The following NRXN3 variants were observed in gnomAD, a reference collection of about 807,000 sequenced individuals.
NRXN3 encodes the protein neurexin III.
A neutral mutation model predicts 137.6 loss-of-function variants in NRXN3; 32 were observed. That is an observed-to-expected ratio of 0.23 (90% CI 0.18 to 0.31). The LOEUF (loss-of-function observed/expected upper bound fraction) is 0.31. Among genes scored for constraint, NRXN3 ranks in the 10% least tolerant of loss-of-function variants. The pLI is 1.00. For synonymous variants in NRXN3, 798 were observed against 784.5 expected (o/e 1.02, Z -0.29); for missense variants, 1,574 against 2,062.5 (o/e 0.76, Z 4.59).
chr14:79,779,182 T>C (rs1000525418), intron 19 of NRXN3, among the ~76,000 whole-genome samples: 2 of 152,204 alleles, frequency 1.3e-5, no homozygotes, highest in Non-Finnish European at 2.9e-5. Context: ...GGCTCAATCT[T>C]GGCTCACCGC....
At chr14:78,938,810 C>T (rs1178689859) in intron 10 of NRXN3, among the ~76,000 whole-genome samples, 1 of 149,940 alleles carries the variant, frequency 6.7e-6, no homozygotes, top group Non-Finnish European at 1.5e-5. Flanking sequence ...ACTCCCCAGC[C>T]ATGTAGACTT....
At chr14:78,571,099 C>T (rs2096885273) in intron 4 of NRXN3, among the ~76,000 whole-genome samples, 1 of 152,230 alleles carries the variant, frequency 6.6e-6, no homozygotes, top group Non-Finnish European at 1.5e-5. Context: ...GTTCTCTGTT[C>T]ATCTTCCACA....
At chr14:79,460,531 A>C (rs771736054) in intron 15 of NRXN3, among the ~76,000 whole-genome samples, 1 of 152,206 alleles carries the variant, frequency 6.6e-6, no homozygotes, top group Non-Finnish European at 1.5e-5. Context: ...CCATGTTATC[A>C]AACAGATTTA....
At chr14:79,306,760 T>C (rs541649152) in intron 15 of NRXN3, among the ~76,000 whole-genome samples, 1 of 152,152 alleles carries the variant, frequency 6.6e-6, no homozygotes, top group South Asian at 2.1e-4. Context: ...TCATCAGGTC[T>C]GCAAGATAGC....
intron 4 of NRXN3, among the ~76,000 whole-genome samples, chr14:78,318,999 A>G (rs1033321926): frequency 2.6e-5 from 4 of 152,166 alleles, no homozygotes; most frequent in African/African-American, 7.2e-5. Context: ...ATTTTTAACA[A>G]ACTCCCAAGG....
Position 78,669,260 on chromosome 14 carries a change from G to A in NRXN3, c.1221+17934G>A, listed in dbSNP as rs112783789. ...ATAAGCTAAAGGAAGTAGAAGTGGC[G>A]GTAATGGTAGTAGTAGTAGTAGTAG... is the stretch of plus-strand genomic sequence containing the variant. On this transcript the variant is annotated intron_variant, in intron 6 of 20. Transcript: ENST00000335750. Among the ~76,000 whole-genome samples the A allele has an allele frequency of 8.8e-3, 1,291 of 146,846 alleles. 11 individuals are homozygous for A. The highest frequency in any genetic ancestry group is 0.011 in the African/African-American group (447 of 39,440).
chr14:79,367,085 G>A (rs1332572344), intron 15 of NRXN3, among the ~76,000 whole-genome samples: 1 of 146,526 alleles, frequency 6.8e-6, no homozygotes, highest in Admixed American at 7.2e-5. Flanking sequence ...CTGGGTTCAT[G>A]CCTTTCTCCT....
At chr14:78,409,157 C>T (rs1212477961) in intron 4 of NRXN3, among the ~76,000 whole-genome samples, 1 of 152,230 alleles carries the variant, frequency 6.6e-6, no homozygotes, top group Non-Finnish European at 1.5e-5. Flanking sequence ...TCATTTCCTA[C>T]CAAGGAGCTC....
At chr14:79,533,381 C>G (rs893072985) in intron 16 of NRXN3, among the ~76,000 whole-genome samples, 1 of 152,120 alleles carries the variant, frequency 6.6e-6, no homozygotes, top group Non-Finnish European at 1.5e-5. Context: ...AAAGTGTCAT[C>G]TTCTACCCCA....
chr14:79,714,902 A>G (rs953814150), intron 19 of NRXN3, among the ~76,000 whole-genome samples: 5 of 152,190 alleles, frequency 3.3e-5, no homozygotes, highest in African/African-American at 1.2e-4. Flanking sequence ...ATTGTGTTAG[A>G]GAATATCAGA....
chr14:79,481,693 A>G (rs2096610054), intron 16 of NRXN3, among the ~76,000 whole-genome samples: 1 of 152,240 alleles, frequency 6.6e-6, no homozygotes. Flanking sequence ...CAGTAGAGAA[A>G]GAGTTTAATA....
intron 16 of NRXN3, among the ~76,000 whole-genome samples, chr14:79,491,842 A>G (rs74070211): frequency 0.026 from 3,897 of 152,250 alleles, 190 homozygotes; most frequent in African/African-American, 0.089. Flanking sequence ...ATTAAGAAGA[A>G]TCTTCTTCTG....
At position 79,286,535 on chromosome 14, in the gene NRXN3, A is replaced by AT. The variant is rs142267964; in HGVS notation, c.3263-180686_3263-180685insT. 8.6e-5 allele frequency among the ~76,000 whole-genome samples: 12 copies of AT among 139,668 alleles called. No individual in the cohort carries two copies. In the East Asian group the frequency reaches 1.1e-3, roughly 12 times the overall value. 91.6% of individuals were successfully genotyped at this position (139,668 alleles called of 152,430 possible). A position where few individuals can be genotyped will look rare whatever the true frequency, so the allele number is the denominator to read the frequency against. ...AGCTTGGTGAGATGATTGAGAGAAT[A>AT]ATATATATATATATATATATATATA... is the stretch of plus-strand genomic sequence containing the variant. On this transcript the variant is annotated intron_variant, in intron 15 of 20. Transcript: ENST00000335750.
At chr14:78,716,178 CA>C (rs2152852171) in intron 8 of NRXN3, among the ~76,000 whole-genome samples, 1 of 152,220 alleles carries the variant, frequency 6.6e-6, no homozygotes, top group African/African-American at 2.4e-5. Context: ...ACCCGATTTA[CA>C]GTTTAAGTAA....
At chr14:79,559,420 C>A (rs2097465624) in intron 16 of NRXN3, among the ~76,000 whole-genome samples, 1 of 151,818 alleles carries the variant, frequency 6.6e-6, no homozygotes, top group South Asian at 2.1e-4. Context: ...ATAGGGAGAC[C>A]CAAGGAAAGG....
intron 14 of NRXN3, among the ~76,000 whole-genome samples, chr14:78,986,864 T>TA (rs1290798037): frequency 6.6e-6 from 1 of 151,312 alleles, no homozygotes; most frequent in African/African-American, 2.4e-5. Flanking sequence ...CTACTAAAAA[T>TA]ACAAAAAAAT....
intron 15 of NRXN3, among the ~76,000 whole-genome samples, chr14:79,021,017 T>C (rs1381032781): frequency 6.6e-6 from 1 of 152,180 alleles, no homozygotes; most frequent in East Asian, 1.9e-4. Context: ...TACTATTTAA[T>C]ACTGTGCAGT....
intron 15 of NRXN3, among the ~76,000 whole-genome samples, chr14:79,063,798 G>C (rs1336846551): frequency 6.6e-6 from 1 of 152,054 alleles, no homozygotes; most frequent in Non-Finnish European, 1.5e-5. Flanking sequence ...AAACTCCTAA[G>C]GTTTTACCAT....
chr14:79,297,072 AC>A (rs1371340131), intron 15 of NRXN3, among the ~76,000 whole-genome samples: 3 of 152,150 alleles, frequency 2.0e-5, no homozygotes, highest in Non-Finnish European at 4.4e-5. Flanking sequence ...TTTGATGGTC[AC>A]CTACTCAGAA....
Sources: allele counts gnomAD v4.1 joint callset (sites outside exome capture counted in the v4.1 genomes callset), GRCh38; gene constraint gnomAD v4.1.1; transcripts MANE v1.5; gene names NCBI Gene and HGNC (gene_info 2026-07-23, HGNC 2026-07-21).